Variants in KCNH5 observed in about 807,000 individuals in gnomAD.
KCNH5 encodes potassium voltage-gated channel subfamily H member 5.
A neutral mutation model predicts 96.1 loss-of-function variants in KCNH5; 46 were observed. The observed-to-expected ratio is 0.48, with a 90% CI of 0.38 to 0.61. The LOEUF is 0.61. KCNH5 is among the 20% of genes least tolerant of loss of function. The pLI, the probability that KCNH5 is intolerant of heterozygous loss-of-function variation, is 0.00. For synonymous variants in KCNH5, 439 were observed against 449.8 expected (o/e 0.98, Z 0.30); for missense variants, 907 against 1,225.8 (o/e 0.74, Z 3.88).
rs114487787 is a variant in KCNH5, at chr14:63,009,113, C to T, written c.198-2641G>A. 4.0e-3 allele frequency among the ~76,000 whole-genome samples: 611 copies of T among 151,934 alleles called. 5 individuals carry two copies. Among genetic ancestry groups the T allele is most frequent in the African/African-American group, 0.013 (556 of 41,458 alleles). ...GTTCAATAAACTGAAACATAATATTCGCAATTGGTCAACAGAAAAACAAAA... is the reference window on the plus strand; with the variant it reads ...GTTCAATAAACTGAAACATAATATTTGCAATTGGTCAACAGAAAAACAAAA... On this transcript the variant is annotated intron_variant, in intron 2 of 10. Coordinates refer to ENST00000322893, the MANE Select transcript of KCNH5 (RefSeq NM_139318.5).
chr14:62,768,866 AG>A (rs1477951855), intron 10 of KCNH5, among the ~76,000 whole-genome samples: 2 of 152,234 alleles, frequency 1.3e-5, no homozygotes, highest in African/African-American at 4.8e-5. Context: ...AGGCATATTC[AG>A]GAGCAAGGTA....
chr14:62,715,381 T>A (rs138835077), intron 10 of KCNH5, among the ~76,000 whole-genome samples: 14 of 152,192 alleles, frequency 9.2e-5, no homozygotes, highest in Non-Finnish European at 1.9e-4. Context: ...TTCATCTGAC[T>A]CTCCTGGGAT....
intron 8 of KCNH5, among the ~76,000 whole-genome samples, chr14:62,828,583 C>A (rs551163777): frequency 1.3e-3 from 196 of 152,228 alleles, no homozygotes; most frequent in Middle Eastern, 6.8e-3. Context: ...ACTTTTAAAC[C>A]ATCAGATCTT....
chr14:63,043,310 A>G (rs1043166230), intron 1 of KCNH5, among the ~76,000 whole-genome samples: 1 of 152,132 alleles, frequency 6.6e-6, no homozygotes, highest in African/African-American at 2.4e-5. Flanking sequence ...TGCAGATTTT[A>G]TGTTTTAAGG....
At chr14:62,936,805 G>A (rs1452976563) in intron 7 of KCNH5, among the ~76,000 whole-genome samples, 6 of 151,636 alleles carry the variant, frequency 4.0e-5, no homozygotes, top group African/African-American at 9.7e-5. Flanking sequence ...GTGAAACCCC[G>A]TCTTTACTAA....
chr14:62,977,759 C>T (rs1272120345), intron 6 of KCNH5, among the ~76,000 whole-genome samples: 1 of 152,112 alleles, frequency 6.6e-6, no homozygotes, highest in African/African-American at 2.4e-5. Context: ...AATTGAGGTC[C>T]TGTAAGGAGT....
chr14:62,743,727 G>A (rs1885320401), intron 10 of KCNH5, among the ~76,000 whole-genome samples: 1 of 152,040 alleles, frequency 6.6e-6, no homozygotes, highest in Admixed American at 6.6e-5. Context: ...TATTCACTGT[G>A]TTGCCTATAT....
chr14:62,791,236 A>T (rs1011376472), intron 9 of KCNH5, among the ~76,000 whole-genome samples: 10 of 151,822 alleles, frequency 6.6e-5, no homozygotes, highest in African/African-American at 2.4e-4. Flanking sequence ...CAAAAGCAGA[A>T]TATTCCATTA....
intron 7 of KCNH5, among the ~76,000 whole-genome samples, chr14:62,872,850 T>C (rs1438154747): frequency 2.6e-5 from 4 of 151,904 alleles, no homozygotes; most frequent in Non-Finnish European, 1.5e-5. Flanking sequence ...TATGGTGAGA[T>C]GGCAGTGGAA....
intron 2 of KCNH5, among the ~76,000 whole-genome samples, chr14:63,012,125 T>C (rs1891240635): frequency 6.6e-6 from 1 of 152,192 alleles, no homozygotes; most frequent in Non-Finnish European, 1.5e-5. Context: ...TCTATGACAG[T>C]ATATCCCAAA....
intron 10 of KCNH5, among the ~76,000 whole-genome samples, chr14:62,716,185 T>C (rs1273578104): frequency 2.0e-5 from 3 of 152,154 alleles, no homozygotes; most frequent in Non-Finnish European, 4.4e-5. Flanking sequence ...TAAAAAAATA[T>C]AGAAGGAAAG....
chr14:62,742,504 T>A (rs1017957768), intron 10 of KCNH5, among the ~76,000 whole-genome samples: 3 of 152,188 alleles, frequency 2.0e-5, no homozygotes, highest in African/African-American at 7.2e-5. Flanking sequence ...GAAAAAGAGA[T>A]ATCTATATAC....
intron 7 of KCNH5, among the ~76,000 whole-genome samples, chr14:62,931,814 C>G (rs778517288): frequency 2.4e-4 from 36 of 152,234 alleles, no homozygotes; most frequent in Admixed American, 4.6e-4. Context: ...GTCAATTTCC[C>G]TTTTCACACT....
chr14:63,024,277 A>T (rs11629455), intron 1 of KCNH5, among the ~76,000 whole-genome samples: 4,831 of 148,212 alleles, frequency 0.033, 106 homozygotes, highest in East Asian at 0.044. Flanking sequence ...ACTTAAGGGA[A>T]GCAATAAAAA....
chr14:62,806,143 G>A (rs569403445), intron 8 of KCNH5, among the ~76,000 whole-genome samples: 8 of 152,228 alleles, frequency 5.3e-5, no homozygotes, highest in African/African-American at 9.6e-5. Context: ...GACAGTTTAC[G>A]AATGTCATGG....
intron 7 of KCNH5, among the ~76,000 whole-genome samples, chr14:62,899,640 G>A (rs973900530): frequency 9.2e-5 from 14 of 151,660 alleles, no homozygotes; most frequent in Non-Finnish European, 1.9e-4. Context: ...GACCATCCCG[G>A]CTAAAAACGG....
intron 8 of KCNH5, among the ~76,000 whole-genome samples, chr14:62,824,358 T>C (rs895266528): frequency 1.3e-5 from 2 of 152,072 alleles, no homozygotes; most frequent in Admixed American, 1.3e-4. Flanking sequence ...AAGCAGTTTA[T>C]GGAAATCTTA....
At chr14:63,011,137 A>G (rs1309366662) in intron 2 of KCNH5, among the ~76,000 whole-genome samples, 1 of 152,176 alleles carries the variant, frequency 6.6e-6, no homozygotes, top group African/African-American at 2.4e-5. Flanking sequence ...GAAGGATCAA[A>G]AAAGATAAAG....
At chr14:62,891,627 T>C (rs1486713127) in intron 7 of KCNH5, among the ~76,000 whole-genome samples, 1 of 152,218 alleles carries the variant, frequency 6.6e-6, no homozygotes, top group East Asian at 1.9e-4. Flanking sequence ...ATACCTCATT[T>C]TATTGTGCTT....
Sources: gnomAD v4.1 joint callset for allele counts (sites outside exome capture counted in the v4.1 genomes callset) on GRCh38, gnomAD v4.1.1 for gene constraint, MANE v1.5 for transcripts, NCBI Gene and HGNC (gene_info 2026-07-23, HGNC 2026-07-21) for gene names.